The following ARFGEF2 variants were observed in gnomAD, a reference collection of about 807,000 sequenced individuals.
ARFGEF2 encodes the protein ARF guanine nucleotide exchange factor 2.
Under a neutral mutation model 219.9 loss-of-function variants are expected in ARFGEF2, and 74 were observed. That is an observed-to-expected ratio of 0.34 (90% CI 0.28 to 0.41). ARFGEF2 has a LOEUF of 0.41. ARFGEF2 is among the 10% of genes least tolerant of loss of function. ARFGEF2 has a pLI of 1.00. For synonymous variants in ARFGEF2, 733 were observed against 799.2 expected (o/e 0.92, Z 1.40); for missense variants, 1,743 against 2,218.3 (o/e 0.79, Z 4.30).
chr20:48,950,523 G>A (rs185559008), intron 3 of ARFGEF2, among the ~76,000 whole-genome samples: 12 of 151,826 alleles, frequency 7.9e-5, no homozygotes, highest in African/African-American at 2.9e-4. Context: ...AGCCAGGCGC[G>A]GTGGCTCACA....
At chr20:49,027,416 G>T (rs1192107689) in intron 36 of ARFGEF2, among the ~76,000 whole-genome samples, 3 of 152,214 alleles carry the variant, frequency 2.0e-5, no homozygotes, top group Admixed American at 2.0e-4. Context: ...TGGAGAGCAG[G>T]CCAGGCAAGG....
chr20:49,009,136 A>G (rs2091481177), intron 26 of ARFGEF2, among the ~76,000 whole-genome samples: 1 of 152,228 alleles, frequency 6.6e-6, no homozygotes, highest in African/African-American at 2.4e-5. Context: ...TTTATTCTCC[A>G]TGGGGAGACA....
chr20:48,994,148 T>C (rs1312227534), intron 21 of ARFGEF2, among the ~76,000 whole-genome samples: 1 of 152,044 alleles, frequency 6.6e-6, no homozygotes, highest in East Asian at 1.9e-4. Context: ...GGACAAGAGA[T>C]GACAAGTTAA....
At chr20:48,943,698 G>A (rs1179866894) in intron 3 of ARFGEF2, among the ~76,000 whole-genome samples, 1 of 152,202 alleles carries the variant, frequency 6.6e-6, no homozygotes, top group Non-Finnish European at 1.5e-5. Context: ...AGCCTCCCAA[G>A]TAGTTGGGAT....
chr20:49,013,355 G>T (rs924907840), intron 28 of ARFGEF2, among the ~76,000 whole-genome samples: 4 of 150,622 alleles, frequency 2.7e-5, no homozygotes, highest in Admixed American at 6.6e-5. Flanking sequence ...TCTAAAACCC[G>T]CAGAGGTCCA....
At chr20:48,966,811 A>C (rs930758958) in intron 8 of ARFGEF2, among the ~76,000 whole-genome samples, 4 of 152,138 alleles carry the variant, frequency 2.6e-5, no homozygotes, top group Non-Finnish European at 4.4e-5. Context: ...TGCTACATGT[A>C]TATCTGTGCT....
At chr20:49,015,397 G>A (rs991182136) in intron 30 of ARFGEF2, among the ~76,000 whole-genome samples, 8 of 152,196 alleles carry the variant, frequency 5.3e-5, no homozygotes, top group Non-Finnish European at 1.0e-4. Flanking sequence ...ACAGGTGTGA[G>A]CCACCACACC....
At chr20:48,922,453 T>C (rs971743334) in intron 1 of ARFGEF2, among the ~76,000 whole-genome samples, 3 of 152,222 alleles carry the variant, frequency 2.0e-5, no homozygotes, top group African/African-American at 7.2e-5. Flanking sequence ...GAAGTGCCCG[T>C]TGGAGAATGT....
At chr20:48,984,701 A>G in intron 14 of ARFGEF2, 28 bp from the exon 15 acceptor site, 1 of 1,613,996 alleles carries the variant, frequency 6.2e-7, no homozygotes, top group East Asian at 2.2e-5. Flanking sequence ...GAAATAAGCA[A>G]CTTGTGTCCC....
intron 14 of ARFGEF2, among the ~76,000 whole-genome samples, chr20:48,980,530 A>G (rs1318820389): frequency 6.6e-6 from 1 of 152,142 alleles, no homozygotes; most frequent in Admixed American, 6.5e-5. Flanking sequence ...CAAGTTGTGG[A>G]TATCCTTGTT....
chr20:48,975,013 C>T, intron 13 of ARFGEF2, 139 bp downstream of exon 13: 1 of 745,818 alleles, frequency 1.3e-6, no homozygotes, highest in South Asian at 1.5e-5. Context: ...TTTTGAAAGT[C>T]CTGCTTTTTA....
Position 48,976,232 on chromosome 20 carries a change from C to T in ARFGEF2, c.1958+33C>T, listed in dbSNP as rs375547257. 6.1e-5 allele frequency: 99 copies of T among 1,611,010 alleles called. 1 individual carries two copies. Among genetic ancestry groups the T allele is most frequent in the Non-Finnish European group, 8.3e-5 (98 of 1,178,678 alleles). On this transcript the variant is annotated intron_variant, in intron 14 of 38. Transcript: ENST00000371917. ...GGGCTGCCGTTAACTAGCAGGGATT[C>T]TAGCAAAGCCATATTTTCTCTGGGA...
chr20:48,995,837 C>G lies in ARFGEF2; in HGVS notation c.3176C>G (p.Ser1059Trp). The change falls in exon 23 of 39, where the codon TCG (serine) becomes TGG (tryptophan). Residue 1059 changes from serine to tryptophan, a missense_variant. Ser to Trp is a radical substitution (Grantham distance 177, BLOSUM62 -3). Around this residue, in one of 5 missense-constraint regions of ARFGEF2, gnomAD observed 666 missense variants for 955.4 expected, o/e 0.70. Coordinates refer to ENST00000371917, the MANE Select transcript of ARFGEF2 (RefSeq NM_006420.3). ...DKRQMASFQE[S>W]VGETSSQSVV... ...AGACAGATGGCCAGCTTCCAAGAAT[C>G]GGTTGGTGAGACCAGCTCGCAGAGT... is the stretch of plus-strand genomic sequence containing the variant. 1 of 1,614,122 alleles carries G rather than the reference C, an allele frequency of 6.2e-7. No individual in the cohort carries two copies.
Position 48,985,612 on chromosome 20 carries a change from G to A in ARFGEF2, c.2275G>A (p.Gly759Arg), listed in dbSNP as rs775687427. The A allele has an allele frequency of 5.6e-6, 9 of 1,614,082 alleles. No individual in the cohort carries two copies. The highest frequency in any genetic ancestry group is 7.6e-6 in the Non-Finnish European group (9 of 1,180,022). The change falls in exon 16 of 39, where the codon GGG (glycine) becomes AGG (arginine). Residue 759 changes from glycine (G) to arginine (R), a missense_variant and splice_region_variant. Coordinates refer to ENST00000371917, the MANE Select transcript of ARFGEF2 (RefSeq NM_006420.3). ...CGCAAGATACATAGAATGCAACCAA[G>A]GGTGAGCGCCGATTTTGAGTCCCTT... ...FAARYIECNQ[G>R]QTLFASADTA...
At chr20:48,932,673 G>T (rs2090920647) in intron 1 of ARFGEF2, among the ~76,000 whole-genome samples, 1 of 152,188 alleles carries the variant, frequency 6.6e-6, no homozygotes, top group Admixed American at 6.5e-5. Context: ...CGAGAGGTTG[G>T]CCATCTCAAG....
At chr20:48,949,562 T>C (rs1187311705) in intron 3 of ARFGEF2, among the ~76,000 whole-genome samples, 1 of 152,144 alleles carries the variant, frequency 6.6e-6, no homozygotes, top group African/African-American at 2.4e-5. Context: ...CAGGCCTCTC[T>C]CCTGCTCCTT....
intron 27 of ARFGEF2, 100 bp from the exon 28 acceptor site, chr20:49,011,824 C>CTAA: frequency 2.3e-6 from 3 of 1,281,438 alleles, no homozygotes; most frequent in East Asian, 4.6e-5. Context: ...TTAATTATCT[C>CTAA]TGATGTATGT....
chr20:48,962,415 AC>A (rs2091159085), intron 6 of ARFGEF2, among the ~76,000 whole-genome samples: 1 of 152,228 alleles, frequency 6.6e-6, no homozygotes, highest in Non-Finnish European at 1.5e-5. Context: ...ATCTTCCTGG[AC>A]CACTATTGTA....
chr20:49,003,263 CAG>C (rs1332298053), intron 25 of ARFGEF2, among the ~76,000 whole-genome samples: 4 of 151,880 alleles, frequency 2.6e-5, no homozygotes, highest in East Asian at 2.0e-4. Context: ...CCACCACACC[CAG>C]CCCCAATTTT....
Sources: gnomAD v4.1 joint callset for allele counts (sites outside exome capture counted in the v4.1 genomes callset) on GRCh38, gnomAD v4.1.1 for gene constraint, gnomAD v4.1.1 regional missense constraint, MANE v1.5 for transcripts, NCBI Gene and HGNC (gene_info 2026-07-23, HGNC 2026-07-21) for gene names.